Variants in DNAH6 observed in about 807,000 individuals in gnomAD.
DNAH6 encodes dynein axonemal heavy chain 6.
A neutral mutation model predicts 491.4 loss-of-function variants in DNAH6; 340 were observed. The ratio of observed to expected loss-of-function variants is 0.69; its 90% confidence interval spans 0.63 to 0.76. DNAH6 has a LOEUF of 0.76. Among genes scored for constraint, DNAH6 ranks in the 30% least tolerant of loss-of-function variants. The pLI, the probability that DNAH6 is intolerant of heterozygous loss-of-function variation, is 0.00. For synonymous variants in DNAH6, 1,603 were observed against 1,686.1 expected (o/e 0.95, Z 1.21); for missense variants, 4,443 against 4,972.2 (o/e 0.89, Z 3.20).
At chr2:84,507,201 T>G in the DNAH6 span, among the ~76,000 whole-genome samples, 188 of 152,342 alleles carry the variant, frequency 1.2e-3, 4 homozygotes, top group East Asian at 0.027. Flanking sequence ...CCCATGAGCA[T>G]GGAATGTTCT....
At chr2:84,670,510 T>G (rs1329073972) in intron 39 of DNAH6, 35 bp downstream of exon 39, 1 of 1,352,508 alleles carries the variant, frequency 7.4e-7, no homozygotes, top group Non-Finnish European at 1.0e-6. Flanking sequence ...CCCACACAAA[T>G]TATTCATTAA....
At chr2:84,603,647 A>T (rs943209267) in intron 18 of DNAH6, among the ~76,000 whole-genome samples, 1 of 152,138 alleles carries the variant, frequency 6.6e-6, no homozygotes, top group Non-Finnish European at 1.5e-5. Context: ...TTTTCCAGCT[A>T]TAGTGCTGAG....
chr2:84,777,941 C>T, intron 64 of DNAH6: 1 of 1,020,874 alleles, frequency 9.8e-7, no homozygotes, highest in South Asian at 1.3e-5. Flanking sequence ...ACGGCTTTCT[C>T]CCTCTTGCTC....
In DNAH6 at chr2:84,670,522, C is replaced by G. The variant is rs781776621; in HGVS notation, c.6454+47C>G. On this transcript the variant is annotated intron_variant, in intron 39 of 76. Transcript: ENST00000389394. Reference sequence around the variant, plus strand: ...TGTCCCACACAAATTATTCATTAAGCTAATAAATGACATAAATAGTGCATG... The same window carrying G: ...TGTCCCACACAAATTATTCATTAAGGTAATAAATGACATAAATAGTGCATG... 3 of 1,262,648 alleles carry G rather than the reference C, an allele frequency of 2.4e-6. No individual in the cohort carries two copies. The South Asian group carries it at 4.2e-5, about 18-fold the overall frequency. 78.2% of individuals were successfully genotyped at this position (1,262,648 alleles called of 1,614,324 possible). A position where few individuals can be genotyped will look rare whatever the true frequency, so the allele number is the denominator to read the frequency against.
rs779211716 is a variant in DNAH6, at chr2:84,544,435, G to A, written c.865G>A (p.Val289Ile). The change falls in exon 5 of 77, where the codon GTC (valine) becomes ATC (isoleucine). Residue 289 changes from valine to isoleucine, a missense_variant. Coordinates refer to ENST00000389394, the MANE Select transcript of DNAH6 (RefSeq NM_001370.2). ...GGCTTTTAGTGTATGGAGGAAGAAT[G>A]TCCGCTCCAAGAAAATCACTGGATG... ...WKAFSVWRKN[V>I]RSKKITGCQK... The A allele has an allele frequency of 1.3e-6, 2 of 1,539,556 alleles. No homozygotes were observed. The highest frequency in any genetic ancestry group is 2.5e-5 in the East Asian group (1 of 40,718).
intron 4 of DNAH6, among the ~76,000 whole-genome samples, chr2:84,532,956 G>A (rs1016231565): frequency 3.9e-5 from 6 of 152,084 alleles, no homozygotes; most frequent in Non-Finnish European, 8.8e-5. Flanking sequence ...TCACAAATGT[G>A]CAATGCAGAT....
intron 33 of DNAH6, among the ~76,000 whole-genome samples, chr2:84,645,288 A>G (rs964561159): frequency 6.6e-6 from 1 of 152,058 alleles, no homozygotes; most frequent in East Asian, 1.9e-4. Context: ...GCATGGTGGC[A>G]CATGCCTGTA....
At chr2:84,696,761 C>A (rs369557116) in intron 46 of DNAH6, among the ~76,000 whole-genome samples, 1 of 151,902 alleles carries the variant, frequency 6.6e-6, no homozygotes, top group South Asian at 2.1e-4. Flanking sequence ...AAAGGGTAAA[C>A]GAGAGATTGC....
At position 84,703,529 on chromosome 2, in the gene DNAH6, A is replaced by C. The variant is rs764661590; in HGVS notation, c.8196A>C (p.Glu2732Asp). The C allele has an allele frequency of 6.4e-7, 1 of 1,551,374 alleles. No individual in the cohort carries two copies. Among genetic ancestry groups the C allele is most frequent in the South Asian group, 1.2e-5 (1 of 83,962 alleles). Residue 2732 changes from glutamate (E) to aspartate (D), a missense_variant, in exon 50 of 77, where the codon GAA becomes GAC. Transcript: ENST00000389394. ...AKSEDVEALM[E>D]KLAVDQESAD... ...CAGAAGATGTTGAAGCCCTGATGGA[A>C]AAATTGGCAGTGGATCAAGAAAGTG...
intron 72 of DNAH6, among the ~76,000 whole-genome samples, chr2:84,811,714 A>G (rs1002824962): frequency 1.1e-4 from 17 of 152,120 alleles, no homozygotes; most frequent in Admixed American, 9.8e-4. Flanking sequence ...TACAAAAATT[A>G]TCTGGGCATG....
rs1697225692 is a variant in DNAH6 at position 84,713,279 on chromosome 2, A to G, written c.9543+20A>G. The G allele has an allele frequency of 6.5e-7, 1 of 1,546,278 alleles. No individual in the cohort carries two copies. Among genetic ancestry groups the G allele is most frequent in the East Asian group, 2.4e-5 (1 of 40,820 alleles). On this transcript the variant is annotated intron_variant, in intron 57 of 76. Transcript: ENST00000389394. ...CCTGAGGTATGAACTACTGGTCTGG[A>G]ATTCTCAACTTAACTGGATTATCAT...
chr2:84,468,406 A>T, the DNAH6 span, among the ~76,000 whole-genome samples: 1 of 152,184 alleles, frequency 6.6e-6, no homozygotes, highest in Non-Finnish European at 1.5e-5. Flanking sequence ...CCTCCTGTTT[A>T]CCCCAAGGAG....
intron 70 of DNAH6, among the ~76,000 whole-genome samples, chr2:84,802,855 G>C (rs1679061150): frequency 6.6e-6 from 1 of 152,040 alleles, no homozygotes; most frequent in African/African-American, 2.4e-5. Context: ...ATTATACCAA[G>C]CATCTTCTCA....
In DNAH6 at chr2:84,807,686, A is replaced by G. The variant is rs578121955; in HGVS notation, c.11612-729A>G. Reference sequence around the variant, plus strand: ...TCCTTGTCTGCCAGGCAACCGCTTCATCCTGCTAGCATTTACCACTGAAGC... The same window carrying G: ...TCCTTGTCTGCCAGGCAACCGCTTCGTCCTGCTAGCATTTACCACTGAAGC... On this transcript the variant is annotated intron_variant, in intron 71 of 76. Coordinates refer to ENST00000389394, the MANE Select transcript of DNAH6 (RefSeq NM_001370.2). 4.6e-5 allele frequency among the ~76,000 whole-genome samples: 7 copies of G among 152,244 alleles called. No individual in the cohort carries two copies. The East Asian group carries it at 1.4e-3, about 29-fold the overall frequency.
chr2:84,460,441 T>C, the DNAH6 span, among the ~76,000 whole-genome samples: 1 of 152,236 alleles, frequency 6.6e-6, no homozygotes, highest in Non-Finnish European at 1.5e-5. Flanking sequence ...TCCCTTGCTA[T>C]TTTAAATAGC....
At chr2:84,743,900 C>T (rs1283877521) in intron 62 of DNAH6, among the ~76,000 whole-genome samples, 2 of 152,148 alleles carry the variant, frequency 1.3e-5, no homozygotes, top group African/African-American at 4.8e-5. Flanking sequence ...CCCATCATTT[C>T]CTGGAGTCCT....
intron 14 of DNAH6, among the ~76,000 whole-genome samples, chr2:84,582,751 G>A (rs541140924): frequency 4.6e-5 from 7 of 152,282 alleles, no homozygotes; most frequent in African/African-American, 1.7e-4. Flanking sequence ...CACTGCACCC[G>A]GCCAGCAATC....
At chr2:84,490,242 CT>C in the DNAH6 span, among the ~76,000 whole-genome samples, 1 of 151,852 alleles carries the variant, frequency 6.6e-6, no homozygotes, top group African/African-American at 2.4e-5. Flanking sequence ...GCTTGGTTTT[CT>C]TTCTTTCTGA....
intron 61 of DNAH6, 23 bp from the exon 62 acceptor site, chr2:84,733,421 A>T: frequency 6.5e-7 from 1 of 1,543,530 alleles, no homozygotes; most frequent in Non-Finnish European, 8.8e-7. Flanking sequence ...GTGAATTATT[A>T]TTCATTTTCT....
Sources: gnomAD v4.1 joint callset for allele counts (sites outside exome capture counted in the v4.1 genomes callset) on GRCh38, gnomAD v4.1.1 for gene constraint, MANE v1.5 for transcripts, NCBI Gene and HGNC (gene_info 2026-07-23, HGNC 2026-07-21) for gene names.